Variants in RAB28 observed in about 807,000 individuals in gnomAD.
RAB28 encodes the protein ras-related protein Rab-28.
RAB28 carries 24 observed loss-of-function variants against 31.7 expected under a neutral mutation model. That is an observed-to-expected ratio of 0.76 (90% confidence interval 0.55 to 1.06). RAB28 has a LOEUF of 1.06. Among genes scored for constraint, RAB28 ranks in the 50% least tolerant of loss-of-function variants. The probability of loss-of-function intolerance (pLI) is 0.00; values close to 1 mark genes in which losing one functional copy is unlikely to be tolerated. For synonymous variants in RAB28, 100 were observed against 90.4 expected, an observed-to-expected ratio of 1.11 and a Z score of -0.60; for missense variants, 254 against 258.5, an observed-to-expected ratio of 0.98 and a Z score of 0.12.
chr4:13,445,209 T>C (rs1303097557), intron 4 of RAB28, among the ~76,000 whole-genome samples: 1 of 152,016 alleles, frequency 6.6e-6, no homozygotes, highest in African/African-American at 2.4e-5. Flanking sequence ...GTTCTCATGC[T>C]GTGTTTTTCA....
chr4:13,404,037 A>C (rs1711928586), intron 4 of RAB28, among the ~76,000 whole-genome samples: 2 of 152,234 alleles, frequency 1.3e-5, no homozygotes, highest in South Asian at 4.1e-4. Context: ...TAAGCCAATA[A>C]ATAAATAATA....
chr4:13,470,605 A>G (rs1354219181), intron 3 of RAB28, among the ~76,000 whole-genome samples: 4 of 152,062 alleles, frequency 2.6e-5, no homozygotes, highest in Non-Finnish European at 4.4e-5. Context: ...AGCTACAAAA[A>G]TGAAACATCC....
At chr4:13,368,763 T>C (rs1438976995) in intron 6 of RAB28, 113 bp from the exon 7 acceptor site, 2 of 807,314 alleles carry the variant, frequency 2.5e-6, no homozygotes, top group East Asian at 3.1e-5. Flanking sequence ...ATGGACACCA[T>C]AAATGAAGCA....
intron 4 of RAB28, among the ~76,000 whole-genome samples, chr4:13,452,624 A>T (rs1412744253): frequency 6.6e-6 from 1 of 152,088 alleles, no homozygotes; most frequent in East Asian, 1.9e-4. Flanking sequence ...ATAGTCAGAT[A>T]AGATACTTGA....
intron 4 of RAB28, among the ~76,000 whole-genome samples, chr4:13,446,392 C>T (rs1459966670): frequency 2.0e-5 from 3 of 152,204 alleles, no homozygotes; most frequent in Non-Finnish European, 4.4e-5. Context: ...TCCTGTCTCA[C>T]TGGAGTTCCA....
chr4:13,470,337 G>C (rs1397257302), intron 3 of RAB28, among the ~76,000 whole-genome samples: 1 of 152,078 alleles, frequency 6.6e-6, no homozygotes, highest in Non-Finnish European at 1.5e-5. Context: ...TCAGTTATAA[G>C]TTGGCAAATA....
At chr4:13,425,283 AG>A (rs1713409476) in intron 4 of RAB28, among the ~76,000 whole-genome samples, 3 of 152,218 alleles carry the variant, frequency 2.0e-5, no homozygotes, top group African/African-American at 7.2e-5. Flanking sequence ...AGTACTTTTA[AG>A]AAACTATTTG....
In RAB28 at chr4:13,450,680, CTG is replaced by C. The variant is rs774126569; in HGVS notation, c.391+10017_391+10018del. ...GATGACAATAAGAATATGCAGATAA[CTG>C]AAACTTAATGGCTTGACAGAAAGGA... On this transcript the variant is annotated intron_variant, in intron 4 of 6. Transcript: ENST00000330852. Among the ~76,000 whole-genome samples the C allele has an allele frequency of 2.6e-5, 4 of 151,882 alleles. No individual in the cohort carries two copies. In the South Asian group the frequency reaches 8.3e-4, roughly 31 times the overall value.
At chr4:13,461,400 G>A (rs1357962841) in intron 3 of RAB28, among the ~76,000 whole-genome samples, 1 of 152,100 alleles carries the variant, frequency 6.6e-6, no homozygotes, top group Non-Finnish European at 1.5e-5. Context: ...TCATATACTT[G>A]AGCAGAGTTA....
chr4:13,418,575 AG>A (rs1712933657), intron 4 of RAB28, among the ~76,000 whole-genome samples: 1 of 152,258 alleles, frequency 6.6e-6, no homozygotes. Context: ...TCTACAAGCC[AG>A]AAGACAGCAG....
chr4:13,410,347 C>A lies in RAB28; in HGVS notation c.392-28753G>T, dbSNP rs139567125. On this transcript the variant is annotated intron_variant, in intron 4 of 6. Transcript: ENST00000330852. ...AGTCCAAGGAAATTCCTTCCTGACT[C>A]CTACAACGGATAAGGGTCTTAGTTT... 4.5e-4 allele frequency among the ~76,000 whole-genome samples: 68 copies of A among 152,222 alleles called. No individual in the cohort carries two copies. The East Asian group carries it at 0.013, about 29-fold the overall frequency.
intron 4 of RAB28, among the ~76,000 whole-genome samples, chr4:13,442,459 A>C (rs1261699560): frequency 1.3e-5 from 2 of 151,794 alleles, no homozygotes; most frequent in Non-Finnish European, 2.9e-5. Context: ...TATCACCTCC[A>C]TCAGCAGAAT....
chr4:13,480,849 G>A (rs1228863041), intron 1 of RAB28, among the ~76,000 whole-genome samples: 1 of 151,686 alleles, frequency 6.6e-6, no homozygotes, highest in African/African-American at 2.4e-5. Flanking sequence ...TGAAAAGATA[G>A]GTATTTCTTT....
chr4:13,413,852 G>A (rs2108912183), intron 4 of RAB28, among the ~76,000 whole-genome samples: 1 of 152,306 alleles, frequency 6.6e-6, no homozygotes, highest in Middle Eastern at 3.4e-3. Context: ...TTTGGCATAA[G>A]TCTATTCCAA....
intron 4 of RAB28, among the ~76,000 whole-genome samples, chr4:13,457,451 A>G (rs1715357920): frequency 6.6e-6 from 1 of 152,186 alleles, no homozygotes; most frequent in Non-Finnish European, 1.5e-5. Context: ...CAGATTATGT[A>G]GTAAATAATA....
chr4:13,433,757 C>G (rs960685105), intron 4 of RAB28, among the ~76,000 whole-genome samples: 1 of 151,994 alleles, frequency 6.6e-6, no homozygotes, highest in Non-Finnish European at 1.5e-5. Flanking sequence ...AGAGAATTTT[C>G]AAAGAGCTAA....
intron 4 of RAB28, among the ~76,000 whole-genome samples, chr4:13,417,873 C>T (rs1160972873): frequency 3.9e-5 from 6 of 152,158 alleles, no homozygotes; most frequent in South Asian, 2.1e-4. Flanking sequence ...TCGCCAGCAA[C>T]GGAACAAAGC....
intron 4 of RAB28, among the ~76,000 whole-genome samples, chr4:13,456,229 G>A (rs1362817802): frequency 6.6e-6 from 1 of 152,152 alleles, no homozygotes; most frequent in East Asian, 1.9e-4. Context: ...GGGTGGGGTA[G>A]GGGAGAACAG....
chr4:13,414,339 C>T (rs1359139054), intron 4 of RAB28, among the ~76,000 whole-genome samples: 1 of 152,140 alleles, frequency 6.6e-6, no homozygotes, highest in Non-Finnish European at 1.5e-5. Flanking sequence ...AGTCATTTGG[C>T]CATGCACCCA....
Sources: gnomAD v4.1 joint callset for allele counts (sites outside exome capture counted in the v4.1 genomes callset) on GRCh38, gnomAD v4.1.1 for gene constraint, MANE v1.5 for transcripts, NCBI Gene and HGNC (gene_info 2026-07-23, HGNC 2026-07-21) for gene names.